Variants in CACNA1H observed in about 807,000 individuals in gnomAD.
CACNA1H encodes the protein voltage-dependent T-type calcium channel subunit alpha-1H.
Under a neutral mutation model 192.5 loss-of-function variants are expected in CACNA1H, and 149 were observed. That is an observed-to-expected ratio of 0.77 (90% confidence interval 0.68 to 0.89). The LOEUF is 0.89. CACNA1H is among the 40% of genes least tolerant of loss of function. The pLI is 0.00. For missense variants in CACNA1H, 4,257 were observed against 3,423.5 expected, an observed-to-expected ratio of 1.24 and a Z score of -6.08; for synonymous variants, 2,202 against 1,475.2, an observed-to-expected ratio of 1.49 and a Z score of -11.29.
At chr16:1,186,434 A>G (rs1159871316) in intron 2 of CACNA1H, among the ~76,000 whole-genome samples, 4 of 152,062 alleles carry the variant, frequency 2.6e-5, no homozygotes, top group Admixed American at 2.0e-4. Flanking sequence ...AGAAAGCCGG[A>G]CGATGCCGCG....
chr16:1,187,515 G>A (rs1445652604), intron 2 of CACNA1H, among the ~76,000 whole-genome samples: 1 of 152,230 alleles, frequency 6.6e-6, no homozygotes, highest in Admixed American at 6.5e-5. Flanking sequence ...AGCTGTTGCA[G>A]ATTTGGCCTA....
Position 1,211,607 on chromosome 16 carries a change from G to C in CACNA1H, c.4476+1G>C. 1 of 1,609,630 alleles carries C rather than the reference G, an allele frequency of 6.2e-7. No homozygotes were observed. Among genetic ancestry groups the C allele is most frequent in the Non-Finnish European group, 8.5e-7 (1 of 1,178,222 alleles). On this transcript the variant is annotated splice_donor_variant, in intron 23 of 34. Transcript: ENST00000348261. LOFTEE classifies it high-confidence loss of function. ...GTACAACTTCGACAACCTGGGCCAG[G>C]TGGGCTGGGCGGCCGGGCGGGAGCT...
intron 2 of CACNA1H, among the ~76,000 whole-genome samples, chr16:1,155,146 C>G (rs866427770): frequency 1.3e-5 from 2 of 152,244 alleles, no homozygotes; most frequent in African/African-American, 2.4e-5. Flanking sequence ...AGTCATAAAG[C>G]CCGTGTTTCT....
Position 1,204,275 on chromosome 16 carries a change from A to G in CACNA1H, c.2268A>G (p.Pro756=), listed in dbSNP as rs1567520404. 6.2e-7 allele frequency: 1 copy of G among 1,608,554 alleles called. No individual in the cohort carries two copies. Among genetic ancestry groups the G allele is most frequent in the South Asian group, 1.1e-5 (1 of 90,634 alleles). ...CGACGGACACACCAGGCCCAGGCCC[A>G]GGCAGCCCCCAGCGGCGGGCACAGC... The part of the protein sequence containing the change: ...PRATDTPGPG[P]GSPQRRAQQR... The change falls in exon 10 of 35, where the codon CCA becomes CCG. Residue 756 remains proline, a synonymous_variant. Coordinates refer to ENST00000348261, the MANE Select transcript of CACNA1H (RefSeq NM_021098.3).
rs752986607 is a variant in CACNA1H, at chr16:1,202,155, G to T, written c.1705G>T (p.Ala569Ser). Residue 569 changes from alanine to serine, a missense_variant, in exon 9 of 35, where the codon GCA becomes TCA. Coordinates refer to ENST00000348261, the MANE Select transcript of CACNA1H (RefSeq NM_021098.3). ...TTCCCCAGGCCGCGGACCCCCCGAC[G>T]CAGAGTCTGTGCACAGCATCTACCA... is the stretch of plus-strand genomic sequence containing the variant. ...PPSPGRGPPD[A>S]ESVHSIYHAD... The T allele has an allele frequency of 1.9e-6, 3 of 1,550,738 alleles. No homozygotes were observed. The highest frequency in any genetic ancestry group is 2.6e-6 in the Non-Finnish European group (3 of 1,147,648).
At chr16:1,161,345 C>G (rs1963174924) in intron 2 of CACNA1H, among the ~76,000 whole-genome samples, 1 of 152,194 alleles carries the variant, frequency 6.6e-6, no homozygotes. Flanking sequence ...CCAGGCCGCC[C>G]TGTGTTCTCA....
At chr16:1,194,691 GGCTCCTGCACCCC>G (rs1361412193) in intron 2 of CACNA1H, among the ~76,000 whole-genome samples, 26 of 152,332 alleles carry the variant, frequency 1.7e-4, no homozygotes, top group South Asian at 1.5e-3. Flanking sequence ...GCCCACCGAG[GGCTCCTGCACCCC>G]GCTTTCCTGA....
chr16:1,186,782 C>T (rs563260667), intron 2 of CACNA1H, among the ~76,000 whole-genome samples: 5 of 152,316 alleles, frequency 3.3e-5, no homozygotes, highest in South Asian at 2.1e-4. Context: ...TTCTGCCCTT[C>T]TAGCTCTTCT....
Position 1,215,023 on chromosome 16 carries a change from G to A in CACNA1H, c.4981G>A (p.Val1661Ile), listed in dbSNP as rs781637520. Residue 1661 changes from valine to isoleucine, a missense_variant, in exon 28 of 35, where the codon GTC (valine) becomes ATC (isoleucine). Physicochemically the swap from Val to Ile is conservative, Grantham distance 29 (BLOSUM62 3). Transcript: ENST00000348261. Reference sequence around the variant, plus strand: ...CAACTACGTCTTCACCATCGTGTTTGTCTTCGAGGCTGCACTGAAGCTGGT... The same window carrying A: ...CAACTACGTCTTCACCATCGTGTTTATCTTCGAGGCTGCACTGAAGCTGGT... ...YCNYVFTIVF[V>I]FEAALKLVAF... 2 of 1,613,022 alleles carry A rather than the reference G, an allele frequency of 1.2e-6. No homozygotes were observed. The highest frequency in any genetic ancestry group is 2.2e-5 in the East Asian group (1 of 44,862).
intron 31 of CACNA1H, 119 bp from the exon 32 acceptor site, chr16:1,217,800 C>A (rs1451949648): frequency 3.0e-6 from 4 of 1,336,542 alleles, no homozygotes; most frequent in South Asian, 1.5e-5. Context: ...GCCTCGTCAT[C>A]CACATCCTCC....
chr16:1,209,405 CGGA>C lies in CACNA1H; in HGVS notation c.3741_3743del (p.Glu1247del). On this transcript the variant is annotated inframe_deletion, in exon 17 of 35. Coordinates refer to ENST00000348261, the MANE Select transcript of CACNA1H (RefSeq NM_021098.3). ...GATGCAGCCGAGCTTGACGACGACT[CGGA>C]GGACGTGAGTGCGTGGCCCTGGGCC... is the stretch of plus-strand genomic sequence containing the variant. The C allele has an allele frequency of 1.3e-6, 2 of 1,597,534 alleles. No individual in the cohort carries two copies. Among genetic ancestry groups the C allele is most frequent in the Non-Finnish European group, 1.7e-6 (2 of 1,179,352 alleles).
intron 2 of CACNA1H, among the ~76,000 whole-genome samples, chr16:1,177,187 G>A (rs1199812936): frequency 1.3e-5 from 2 of 152,214 alleles, no homozygotes; most frequent in African/African-American, 4.8e-5. Flanking sequence ...CGGACCCTTG[G>A]ATTTCTAAGT....
Position 1,219,120 on chromosome 16 carries a change from T to C in CACNA1H, c.6038T>C (p.Leu2013Pro), listed in dbSNP as rs905456471. ...CGCTCCCCCAGTCTCAGCCGGCTGC[T>C]CTGCAGACAGGTAGGAGAAGCCGTT... ...TARSPSLSRL[L>P]CRQEAVHTDS... The change falls in exon 34 of 35, where the codon CTC becomes CCC. Residue 2013 changes from leucine (L) to proline (P), a missense_variant. Physicochemically the swap from Leu to Pro is moderately conservative, Grantham distance 98. Transcript: ENST00000348261. The C allele has an allele frequency of 7.8e-6, 12 of 1,539,482 alleles. No individual in the cohort carries two copies. Among genetic ancestry groups the C allele is most frequent in the Admixed American group, 2.0e-5 (1 of 50,366 alleles).
At chr16:1,207,473 GAAGA>G (rs1269786626) in intron 14 of CACNA1H, 43 bp downstream of exon 14, 1 of 1,593,504 alleles carries the variant, frequency 6.3e-7, no homozygotes, top group Non-Finnish European at 8.6e-7. Flanking sequence ...AGGGCGATGA[GAAGA>G]GAGACGGGCT....
rs1287202472 is a variant in CACNA1H at position 1,221,133 on chromosome 16, G to A, written c.*139G>A. The A allele has an allele frequency of 3.1e-6, 2 of 650,972 alleles. No individual in the cohort carries two copies. The highest frequency in any genetic ancestry group is 6.1e-5 in the Admixed American group (2 of 32,772). The allele number at this position is 650,972 out of a possible 1,614,324, so 40.3% of individuals were successfully genotyped here. On this transcript the variant is annotated 3_prime_UTR_variant, in exon 35 of 35. Coordinates refer to ENST00000348261, the MANE Select transcript of CACNA1H (RefSeq NM_021098.3). ...AAGGCCCGGGGAGGATGACGGCCCAGGCCCTGGTTCTCTGCCCAGCGAAGC... is the reference window on the plus strand; with the variant it reads ...AAGGCCCGGGGAGGATGACGGCCCAAGCCCTGGTTCTCTGCCCAGCGAAGC...
intron 6 of CACNA1H, among the ~76,000 whole-genome samples, chr16:1,200,021 G>A (rs1967627562): frequency 6.6e-6 from 1 of 152,102 alleles, no homozygotes; most frequent in Non-Finnish European, 1.5e-5. Context: ...GGTTTCTGCA[G>A]CACCACTGTG....
At chr16:1,158,531 C>T (rs1328270974) in intron 2 of CACNA1H, among the ~76,000 whole-genome samples, 2 of 152,204 alleles carry the variant, frequency 1.3e-5, no homozygotes, top group African/African-American at 4.8e-5. Context: ...CCCCGTGGGA[C>T]GTCATCTTGT....
At chr16:1,201,620 ACTCG>A (rs1567511507) in intron 8 of CACNA1H, 39 bp from the exon 9 acceptor site, 3 of 1,512,326 alleles carry the variant, frequency 2.0e-6, no homozygotes, top group East Asian at 4.9e-5. Context: ...CGAATCAGAG[ACTCG>A]CTCACTCACT....
In CACNA1H at chr16:1,198,634, T is replaced by A. The variant is rs368713417; in HGVS notation, c.663T>A (p.Thr221=). 15 of 1,613,108 alleles carry A rather than the reference T, an allele frequency of 9.3e-6. No individual in the cohort carries two copies. In the African/African-American group the frequency reaches 1.6e-4, roughly 17 times the overall value. ...CCACAGGCATGCGGATCCTGGTCAC[T>A]CTGCTGCTGGATACGCTGCCCATGC... is the stretch of plus-strand genomic sequence containing the variant. The part of the protein sequence containing the change: ...NRVPSMRILV[T]LLLDTLPMLG... The change falls in exon 6 of 35, where the codon ACT becomes ACA. Residue 221 remains threonine (T), a synonymous_variant. Coordinates refer to ENST00000348261, the MANE Select transcript of CACNA1H (RefSeq NM_021098.3).
Sources: allele counts gnomAD v4.1 joint callset (sites outside exome capture counted in the v4.1 genomes callset), GRCh38; gene constraint gnomAD v4.1.1; transcripts MANE v1.5; gene names NCBI Gene and HGNC (gene_info 2026-07-23, HGNC 2026-07-21).